CSMD2: variants seen among roughly 807,000 people sequenced by gnomAD.
CSMD2 encodes the protein CUB and sushi domain-containing protein 2.
A neutral mutation model predicts 398.5 loss-of-function variants in CSMD2; 130 were observed. That is an observed-to-expected ratio of 0.33 (90% CI 0.28 to 0.38). The LOEUF is 0.38. CSMD2 is among the 10% of genes least tolerant of loss of function. CSMD2 has a pLI of 1.00. For missense variants in CSMD2, 3,829 were observed against 4,764.9 expected (o/e 0.80, Z 5.78); for synonymous variants, 1,828 against 1,908.5 (o/e 0.96, Z 1.10).
chr1:33,559,014 C>T lies in CSMD2; in HGVS notation c.8554+286G>A, dbSNP rs1293460275. Among the ~76,000 whole-genome samples the T allele has an allele frequency of 6.6e-6, 1 of 152,038 alleles. No individual in the cohort carries two copies. Among genetic ancestry groups the T allele is most frequent in the Non-Finnish European group, 1.5e-5 (1 of 68,006 alleles). On this transcript the variant is annotated intron_variant, in intron 54 of 70. Coordinates refer to ENST00000373381, the MANE Select transcript of CSMD2 (RefSeq NM_001281956.2). This position sits in a 1 kb window ranked among gnomAD's most constrained non-coding sequence, Gnocchi z 4.0. ...AAACCTCTGTTAAAAAATAACGGGGCTTTATAAGATAATGATACATTATTT... is the reference window on the plus strand; with the variant it reads ...AAACCTCTGTTAAAAAATAACGGGGTTTTATAAGATAATGATACATTATTT...
intron 5 of CSMD2, among the ~76,000 whole-genome samples, chr1:33,882,730 C>T (rs1403269696): frequency 6.6e-6 from 1 of 152,148 alleles, no homozygotes; most frequent in Non-Finnish European, 1.5e-5. Context: ...AGAAATTACT[C>T]AATAAAGAAT....
rs537280007 is a variant in CSMD2, at chr1:33,740,331, CCT to C, written c.2174-999_2174-998del. Among the ~76,000 whole-genome samples, 558 of 147,542 alleles carry C rather than the reference CCT, an allele frequency of 3.8e-3. 7 individuals are homozygous for C. The highest frequency in any genetic ancestry group is 0.014 in the African/African-American group (532 of 38,574). ...CCCGAAGCCAGGCTCTATTTTCACC[CCT>C]GTTGTTCTGAGGATGGCAGCTTTCC... is the stretch of plus-strand genomic sequence containing the variant. On this transcript the variant is annotated intron_variant, in intron 14 of 70. Transcript: ENST00000373381.
intron 5 of CSMD2, among the ~76,000 whole-genome samples, chr1:33,848,088 C>CTA (rs993306893): frequency 6.6e-6 from 1 of 152,124 alleles, no homozygotes; most frequent in Admixed American, 6.5e-5. Context: ...TACCCTTTCT[C>CTA]TATACTCTTT....
chr1:33,640,409 T>C (rs970131363), intron 29 of CSMD2, among the ~76,000 whole-genome samples: 7 of 152,176 alleles, frequency 4.6e-5, no homozygotes, highest in African/African-American at 1.4e-4. Context: ...ATCTCATTCA[T>C]ATAGAACAGG....
rs1019975075 is a variant in CSMD2, at chr1:33,519,076, A to G, written c.*53+389T>C. 6.6e-6 allele frequency among the ~76,000 whole-genome samples: 1 copy of G among 152,050 alleles called. No homozygotes were observed. The highest frequency in any genetic ancestry group is 1.5e-5 in the Non-Finnish European group (1 of 67,982). On this transcript the variant is annotated intron_variant, in intron 70 of 70. Transcript: ENST00000373381. This position sits in a 1 kb window ranked among gnomAD's most constrained non-coding sequence, Gnocchi z 5.6. ...TATATCCAGTTGGTTCTGTTTCTCT[A>G]GAGAGAAACAGACTAGTACATGCCG... is the stretch of plus-strand genomic sequence containing the variant.
chr1:33,707,679 GCACACGCGCGCGCGCGCACACA>G (rs1645834885), intron 22 of CSMD2, among the ~76,000 whole-genome samples: 1 of 102,774 alleles, frequency 9.7e-6, no homozygotes, highest in Non-Finnish European at 2.0e-5. Context: ...ACGCACGCGT[GCACACGCGCGCGCGCGCACACA>G]CACACACACA....
At chr1:33,615,676 C>T (rs1186984582) in intron 39 of CSMD2, among the ~76,000 whole-genome samples, 2 of 152,164 alleles carry the variant, frequency 1.3e-5, no homozygotes, top group South Asian at 2.1e-4. Flanking sequence ...GTTGTAAACC[C>T]CTAATGAACA....
At chr1:33,782,369 T>C (rs190922465) in intron 12 of CSMD2, among the ~76,000 whole-genome samples, 3 of 152,220 alleles carry the variant, frequency 2.0e-5, no homozygotes, top group African/African-American at 7.2e-5. Context: ...CAACTGAGCA[T>C]TTACTAAATG....
At chr1:33,679,727 AAGAG>A (rs750794795) in intron 25 of CSMD2, among the ~76,000 whole-genome samples, 2 of 152,270 alleles carry the variant, frequency 1.3e-5, no homozygotes, top group African/African-American at 2.4e-5. Context: ...TTACTTGACT[AAGAG>A]AGATGTGCTA....
At chr1:33,831,918 C>T (rs915775950) in intron 6 of CSMD2, among the ~76,000 whole-genome samples, 1 of 151,826 alleles carries the variant, frequency 6.6e-6, no homozygotes, top group Non-Finnish European at 1.5e-5. Context: ...ACAAAGAAGG[C>T]CATTACATAA....
intron 44 of CSMD2, chr1:33,600,060 T>G (rs1640109447): frequency 4.6e-6 from 3 of 655,922 alleles, no homozygotes; most frequent in Non-Finnish European, 8.4e-6. Flanking sequence ...GTTAGAATAT[T>G]TGCCTTACTA....
At chr1:33,911,148 T>C (rs1262470759) in intron 5 of CSMD2, among the ~76,000 whole-genome samples, 1 of 152,224 alleles carries the variant, frequency 6.6e-6, no homozygotes, top group Non-Finnish European at 1.5e-5. Context: ...GACTGTGGCT[T>C]TGTCCCTCTA....
chr1:33,660,020 T>C (rs1035875637), intron 26 of CSMD2, among the ~76,000 whole-genome samples: 1 of 152,252 alleles, frequency 6.6e-6, no homozygotes, highest in South Asian at 2.1e-4. Context: ...TATAGGGCAC[T>C]GTACACATGT....
intron 2 of CSMD2, among the ~76,000 whole-genome samples, chr1:34,059,358 C>A (rs1012798962): frequency 6.6e-6 from 1 of 152,162 alleles, no homozygotes; most frequent in Admixed American, 6.5e-5. Context: ...GCTAGATGTG[C>A]CTCCATCTGA....
intron 3 of CSMD2, among the ~76,000 whole-genome samples, chr1:33,972,838 C>T (rs550817328): frequency 6.6e-6 from 1 of 152,306 alleles, no homozygotes; most frequent in South Asian, 2.1e-4. Flanking sequence ...AACCAACACA[C>T]AGACCACGAC....
rs1254321055 is a variant in CSMD2, at chr1:33,546,238, C to G, written c.8918-19G>C. 1 of 1,597,280 alleles carries G rather than the reference C, an allele frequency of 6.3e-7. No homozygotes were observed. Among genetic ancestry groups the G allele is most frequent in the Non-Finnish European group, 8.6e-7 (1 of 1,167,492 alleles). ...CTGGTTCCTATGGACCAGAACCACACAAATCCCATTATTTTTCAGGGAAGA... is the reference window on the plus strand; with the variant it reads ...CTGGTTCCTATGGACCAGAACCACAGAAATCCCATTATTTTTCAGGGAAGA... On this transcript the variant is annotated intron_variant, in intron 56 of 70. Transcript: ENST00000373381.
chr1:34,001,200 A>T (rs1646890831), intron 3 of CSMD2, among the ~76,000 whole-genome samples: 1 of 152,242 alleles, frequency 6.6e-6, no homozygotes, highest in Admixed American at 6.5e-5. Flanking sequence ...TATATGGAAG[A>T]TCACAGATAG....
At chr1:33,525,609 T>G (rs1654698334) in intron 65 of CSMD2, among the ~76,000 whole-genome samples, 1 of 152,172 alleles carries the variant, frequency 6.6e-6, no homozygotes, top group Non-Finnish European at 1.5e-5. Flanking sequence ...ACTGGAGATA[T>G]GAGTTTTGGT....
chr1:33,643,432 A>G (rs1571058473), intron 29 of CSMD2, among the ~76,000 whole-genome samples: 1 of 152,252 alleles, frequency 6.6e-6, no homozygotes, highest in African/African-American at 2.4e-5. Flanking sequence ...ACAAAGGCAC[A>G]ACAAATGCAA....
Sources: gnomAD v4.1 joint callset for allele counts (sites outside exome capture counted in the v4.1 genomes callset) on GRCh38, gnomAD v4.1.1 for gene constraint, Gnocchi (gnomAD v3.1) non-coding constraint, MANE v1.5 for transcripts, NCBI Gene and HGNC (gene_info 2026-07-23, HGNC 2026-07-21) for gene names.